Variants in LRMDA observed in about 807,000 individuals in gnomAD.
The protein encoded by LRMDA is leucine-rich melanocyte differentiation-associated protein.
In LRMDA, 18 loss-of-function variants were observed where a neutral mutation model predicts 29.8. The observed-to-expected ratio is 0.60, with a 90% CI of 0.42 to 0.90. The LOEUF is 0.90. Among genes scored for constraint, LRMDA ranks in the 40% least tolerant of loss-of-function variants. The probability of loss-of-function intolerance (pLI) is 0.00; values close to 1 mark genes in which losing one functional copy is unlikely to be tolerated. For synonymous variants in LRMDA, 125 were observed against 109.4 expected (o/e 1.14, Z -0.89); for missense variants, 273 against 273.9 (o/e 1.00, Z 0.02).
chr10:75,887,183 A>T (rs1845405341), intron 2 of LRMDA, among the ~76,000 whole-genome samples: 1 of 150,444 alleles, frequency 6.6e-6, no homozygotes, highest in African/African-American at 2.4e-5. Flanking sequence ...TATATGATTT[A>T]TGTAAATAAT....
At chr10:76,388,251 GT>G (rs1841683709) in intron 6 of LRMDA, among the ~76,000 whole-genome samples, 1 of 152,192 alleles carries the variant, frequency 6.6e-6, no homozygotes, top group Admixed American at 6.5e-5. Flanking sequence ...TGTGTAACAA[GT>G]TATACCAAAA....
chr10:76,234,871 G>A (rs1040967242), intron 5 of LRMDA, among the ~76,000 whole-genome samples: 6 of 152,152 alleles, frequency 3.9e-5, no homozygotes, highest in Admixed American at 6.6e-5. Flanking sequence ...TATCCATACC[G>A]CTAAAACTTT....
chr10:76,405,560 TGTGATTGACTG>T (rs1841894211), intron 6 of LRMDA, among the ~76,000 whole-genome samples: 2 of 152,166 alleles, frequency 1.3e-5, no homozygotes, highest in South Asian at 4.1e-4. Flanking sequence ...TGTCTAAGGA[TGTGATTGACTG>T]GTGGTATCTT....
At chr10:75,505,081 A>C (rs1845155877) in intron 2 of LRMDA, among the ~76,000 whole-genome samples, 1 of 152,122 alleles carries the variant, frequency 6.6e-6, no homozygotes, top group Non-Finnish European at 1.5e-5. Context: ...CCAGGATCAC[A>C]CCTGAGTGCC....
intron 6 of LRMDA, among the ~76,000 whole-genome samples, chr10:76,545,893 T>A (rs73276758): frequency 0.027 from 4,107 of 152,178 alleles, 64 homozygotes; most frequent in Admixed American, 0.038. Context: ...ACAGTGTTTC[T>A]TAAAGTTGGT....
chr10:75,624,602 C>T (rs550751698), intron 2 of LRMDA, among the ~76,000 whole-genome samples: 1 of 152,082 alleles, frequency 6.6e-6, no homozygotes, highest in East Asian at 1.9e-4. Flanking sequence ...CAAGGGAGAT[C>T]TAGGATGATA....
chr10:75,685,863 A>G (rs192321944), intron 2 of LRMDA, among the ~76,000 whole-genome samples: 3 of 152,330 alleles, frequency 2.0e-5, no homozygotes, highest in Admixed American at 6.5e-5. Flanking sequence ...AAACAACAAC[A>G]TAATAGTAGC....
chr10:76,114,256 A>G (rs1849628471), intron 5 of LRMDA, among the ~76,000 whole-genome samples: 1 of 152,244 alleles, frequency 6.6e-6, no homozygotes, highest in South Asian at 2.1e-4. Flanking sequence ...GTAATCAATC[A>G]TTGTGATTGA....
intron 6 of LRMDA, among the ~76,000 whole-genome samples, chr10:76,343,511 T>C (rs1385116990): frequency 6.6e-6 from 1 of 152,206 alleles, no homozygotes; most frequent in Admixed American, 6.5e-5. Context: ...GATCTGATGA[T>C]GAAACCCATA....
At chr10:75,542,607 G>A (rs577502851) in intron 2 of LRMDA, among the ~76,000 whole-genome samples, 4 of 152,270 alleles carry the variant, frequency 2.6e-5, no homozygotes, top group South Asian at 2.1e-4. Context: ...AGCTGATTGC[G>A]AATATTTATA....
chr10:76,290,306 A>T (rs2132346401), intron 5 of LRMDA, among the ~76,000 whole-genome samples: 1 of 152,208 alleles, frequency 6.6e-6, no homozygotes, highest in East Asian at 1.9e-4. Flanking sequence ...TTTCCTTGTT[A>T]AGACTGAGTT....
intron 2 of LRMDA, among the ~76,000 whole-genome samples, chr10:75,940,787 C>T (rs768866529): frequency 6.6e-6 from 1 of 151,538 alleles, no homozygotes; most frequent in Admixed American, 6.6e-5. Flanking sequence ...TGTGTGTGCG[C>T]GCGCGTGTGT....
chr10:76,164,125 A>AT (rs35217250), intron 5 of LRMDA, among the ~76,000 whole-genome samples: 29,587 of 151,622 alleles, frequency 0.2, 3,321 homozygotes, highest in East Asian at 0.52. Flanking sequence ...AAAATGTTTG[A>AT]TTTTTTTTTC....
chr10:75,821,300 A>G (rs1844153290), intron 2 of LRMDA, among the ~76,000 whole-genome samples: 1 of 152,242 alleles, frequency 6.6e-6, no homozygotes, highest in Admixed American at 6.5e-5. Flanking sequence ...ATAGCACATA[A>G]AAAAGATAGT....
chr10:75,726,188 G>A, intron 2 of LRMDA, among the ~76,000 whole-genome samples: 1 of 152,212 alleles, frequency 6.6e-6, no homozygotes, highest in Non-Finnish European at 1.5e-5. Context: ...TAACTGGGGA[G>A]ACACATTAAG....
chr10:75,571,710 C>T (rs375523519), intron 2 of LRMDA, among the ~76,000 whole-genome samples: 1 of 152,076 alleles, frequency 6.6e-6, no homozygotes, highest in East Asian at 1.9e-4. Context: ...TTCTACTTTT[C>T]CATTAGATTC....
At chr10:75,483,755 G>T (rs1844878113) in intron 2 of LRMDA, among the ~76,000 whole-genome samples, 1 of 151,636 alleles carries the variant, frequency 6.6e-6, no homozygotes, top group African/African-American at 2.4e-5. Flanking sequence ...CAATTCTCCT[G>T]GGATTTGGGA....
chr10:76,540,103 A>C (rs1156333462), intron 6 of LRMDA, among the ~76,000 whole-genome samples: 1 of 152,026 alleles, frequency 6.6e-6, no homozygotes, highest in Non-Finnish European at 1.5e-5. Context: ...ACATAAAGAC[A>C]CACAGAAGAC....
intron 5 of LRMDA, among the ~76,000 whole-genome samples, chr10:76,069,079 G>A (rs1848833059): frequency 6.6e-6 from 1 of 152,204 alleles, no homozygotes; most frequent in South Asian, 2.1e-4. Context: ...ACAGCTGTTG[G>A]ATCCGGCTTG....
Sources: allele counts gnomAD v4.1 joint callset (sites outside exome capture counted in the v4.1 genomes callset), GRCh38; gene constraint gnomAD v4.1.1; transcripts MANE v1.5; gene names NCBI Gene and HGNC (gene_info 2026-07-23, HGNC 2026-07-21).